Variants in DYNC2I1 observed in about 807,000 individuals in gnomAD.
DYNC2I1 encodes dynein 2 intermediate chain 1.
In DYNC2I1, 89 loss-of-function variants were observed where a neutral mutation model predicts 133.4. The observed-to-expected ratio is 0.67, with a 90% CI of 0.56 to 0.80. The LOEUF is 0.80. DYNC2I1 is among the 30% of genes least tolerant of loss of function. The probability of loss-of-function intolerance (pLI) is 0.00; values close to 1 mark genes in which losing one functional copy is unlikely to be tolerated. For missense variants in DYNC2I1, 1,291 were observed against 1,314.5 expected (o/e 0.98, Z 0.28); for synonymous variants, 504 against 484.3 (o/e 1.04, Z -0.54).
intron 5 of DYNC2I1, among the ~76,000 whole-genome samples, chr7:158,883,694 T>C (rs1342737953): frequency 2.8e-5 from 4 of 140,682 alleles, no homozygotes; most frequent in Non-Finnish European, 3.0e-5. Flanking sequence ...GACGGAGTCT[T>C]GCTCTGTTGC....
chr7:158,953,991 C>G (rs1394720882), intron 4 of DYNC2I1, among the ~76,000 whole-genome samples: 1 of 152,084 alleles, frequency 6.6e-6, no homozygotes. Flanking sequence ...TCCTGTAATC[C>G]CCACGTGTTT....
At chr7:158,874,848 A>T (rs1584989216) in intron 3 of DYNC2I1, among the ~76,000 whole-genome samples, 2 of 152,078 alleles carry the variant, frequency 1.3e-5, no homozygotes, top group Non-Finnish European at 2.9e-5. Context: ...AACGCAGTGT[A>T]CCCCACATGA....
chr7:158,912,034 G>A (rs1206482463), intron 12 of DYNC2I1, among the ~76,000 whole-genome samples: 1 of 152,160 alleles, frequency 6.6e-6, no homozygotes, highest in East Asian at 1.9e-4. Flanking sequence ...GAGTGCAGTG[G>A]AGTGATCTTG....
intron 6 of DYNC2I1, among the ~76,000 whole-genome samples, chr7:158,886,615 A>G (rs1844630389): frequency 6.6e-6 from 1 of 151,764 alleles, no homozygotes. Context: ...TAAAAAAATT[A>G]TTTTTTGAGA....
chr7:158,869,654 A>G, intron 1 of DYNC2I1, among the ~76,000 whole-genome samples: 1 of 152,364 alleles, frequency 6.6e-6, no homozygotes, highest in South Asian at 2.1e-4. Context: ...CACATTTTAT[A>G]ATAATGTGTC....
At chr7:158,929,550 G>A (rs890042033) in intron 20 of DYNC2I1, among the ~76,000 whole-genome samples, 39 of 152,342 alleles carry the variant, frequency 2.6e-4, no homozygotes, top group African/African-American at 8.2e-4. Flanking sequence ...GACGCCAGGT[G>A]GGGGGCATGC....
chr7:158,906,202 G>T, intron 11 of DYNC2I1, 111 bp downstream of exon 11: 3 of 929,940 alleles, frequency 3.2e-6, no homozygotes. Flanking sequence ...CTGTTTTTTG[G>T]GGTGTATGAC....
chr7:158,948,009 A>G (rs1259729127), downstream of DYNC2I1, among the ~76,000 whole-genome samples: 1 of 152,186 alleles, frequency 6.6e-6, no homozygotes, highest in African/African-American at 2.4e-5. Flanking sequence ...AAGGCCAACG[A>G]TCTGCCCCTC....
chr7:158,946,026 CT>C lies in DYNC2I1; in HGVS notation c.*251del, dbSNP rs1290596808. On this transcript the variant is annotated 3_prime_UTR_variant, in exon 25 of 25. Coordinates refer to ENST00000407559, the MANE Select transcript of DYNC2I1 (RefSeq NM_018051.5). Reference sequence around the variant, plus strand: ...AATGTAGAGCCACGTCCAGGGTGCTCTTTTCTGAGAGTATTTCGAGTTATTT... The same window carrying C: ...AATGTAGAGCCACGTCCAGGGTGCTCTTTCTGAGAGTATTTCGAGTTATTT... 20 of 357,382 alleles carry C rather than the reference CT, an allele frequency of 5.6e-5. No individual in the cohort carries two copies. Among genetic ancestry groups the C allele is most frequent in the Non-Finnish European group, 9.4e-5 (19 of 201,986 alleles). The allele number at this position is 357,382 out of a possible 1,614,324, so 22.1% of individuals were successfully genotyped here.
At position 158,918,654 on chromosome 7, in the gene DYNC2I1, T is replaced by C. The variant is rs766764238; in HGVS notation, c.1792-86T>C. 10 of 1,505,064 alleles carry C rather than the reference T, an allele frequency of 6.6e-6. No individual in the cohort carries two copies. The Admixed American group carries it at 7.1e-5, about 11-fold the overall frequency. 93.2% of individuals were successfully genotyped at this position (1,505,064 alleles called of 1,614,324 possible). A position where few individuals can be genotyped will look rare whatever the true frequency, so the allele number is the denominator to read the frequency against. ...GGATCTAAGCAGTTATTTGCAGATA[T>C]GGATAAGATGAAAAGGTAATTTTTT... On this transcript the variant is annotated intron_variant, in intron 14 of 24. Transcript: ENST00000407559.
chr7:158,881,742 C>T (rs1047137730), intron 5 of DYNC2I1, among the ~76,000 whole-genome samples: 17 of 152,296 alleles, frequency 1.1e-4, no homozygotes, highest in South Asian at 8.3e-4. Context: ...CATGAGCTAC[C>T]GCGCCCGGCC....
intron 20 of DYNC2I1, among the ~76,000 whole-genome samples, chr7:158,928,356 G>A (rs907300840): frequency 6.6e-6 from 1 of 152,116 alleles, no homozygotes; most frequent in African/African-American, 2.4e-5. Flanking sequence ...TTGAATCAGG[G>A]GTGTTTTCCC....
intron 4 of DYNC2I1, among the ~76,000 whole-genome samples, chr7:158,952,097 G>A (rs934647526): frequency 3.9e-5 from 6 of 152,198 alleles, no homozygotes; most frequent in Non-Finnish European, 8.8e-5. Flanking sequence ...GGAAATCCAC[G>A]TGGGAAGAGG....
intron 15 of DYNC2I1, among the ~76,000 whole-genome samples, chr7:158,919,301 A>G (rs185148590): frequency 3.3e-5 from 5 of 152,374 alleles, no homozygotes. Flanking sequence ...GACGCTTAAC[A>G]TTTAGTGTAG....
At chr7:158,884,751 G>A (rs1233401233) in intron 6 of DYNC2I1, 132 bp downstream of exon 6, 4 of 849,528 alleles carry the variant, frequency 4.7e-6, no homozygotes, top group African/African-American at 3.5e-5. Context: ...ATTTTCTCTA[G>A]ATTTTACCCC....
the DYNC2I1 span, among the ~76,000 whole-genome samples, chr7:158,846,130 G>A: frequency 9.2e-5 from 14 of 152,062 alleles, no homozygotes; most frequent in Admixed American, 1.3e-4. Flanking sequence ...ATGGTGGTGC[G>A]CACCTGTAGT....
intron 5 of DYNC2I1, among the ~76,000 whole-genome samples, chr7:158,883,832 T>G (rs1585027500): frequency 7.0e-6 from 1 of 143,196 alleles, no homozygotes; most frequent in South Asian, 2.3e-4. Context: ...CCCGGCTAAT[T>G]TTTTTGTATT....
intron 4 of DYNC2I1, 79 bp from the exon 5 acceptor site, chr7:158,879,605 C>T (rs2082802403): frequency 2.1e-6 from 3 of 1,448,958 alleles, no homozygotes; most frequent in Non-Finnish European, 2.8e-6. Context: ...TCCGTCGTTG[C>T]AGAACCCACA....
intron 1 of DYNC2I1, among the ~76,000 whole-genome samples, chr7:158,867,828 G>T (rs1483670480): frequency 6.6e-6 from 1 of 152,150 alleles, no homozygotes; most frequent in Non-Finnish European, 1.5e-5. Flanking sequence ...ACCACAGCCA[G>T]GTGGAAGCTC....
Sources: allele counts gnomAD v4.1 joint callset (sites outside exome capture counted in the v4.1 genomes callset), GRCh38; gene constraint gnomAD v4.1.1; transcripts MANE v1.5; gene names NCBI Gene and HGNC (gene_info 2026-07-23, HGNC 2026-07-21).